The following SGPP2 variants were observed in gnomAD, a reference collection of about 807,000 sequenced individuals.
SGPP2 encodes the protein sphingosine-1-phosphate phosphatase 2.
A neutral mutation model predicts 33.9 loss-of-function variants in SGPP2; 30 were observed. That is an observed-to-expected ratio of 0.89 (90% CI 0.66 to 1.20). The LOEUF (loss-of-function observed/expected upper bound fraction) is 1.20. Ranked by LOEUF, SGPP2 falls within the 50% of genes most tolerant of loss-of-function variation. The pLI, the probability that SGPP2 is intolerant of heterozygous loss-of-function variation, is 0.00. For missense variants in SGPP2, 458 were observed against 532.1 expected (o/e 0.86, Z 1.37); for synonymous variants, 233 against 225.0 (o/e 1.04, Z -0.32).
intron 1 of SGPP2, among the ~76,000 whole-genome samples, chr2:222,450,934 T>C (rs1399221412): frequency 6.6e-6 from 1 of 151,998 alleles, no homozygotes; most frequent in Non-Finnish European, 1.5e-5. Flanking sequence ...TTTCTGCATC[T>C]TTTTTTTAAC....
Position 222,521,951 on chromosome 2 carries a change from G to C in SGPP2, c.558+5G>C. 2.0e-6 allele frequency: 3 copies of C among 1,504,918 alleles called. No individual in the cohort carries two copies. The highest frequency in any genetic ancestry group is 2.7e-6 in the Non-Finnish European group (3 of 1,127,470). 93.2% of individuals were successfully genotyped at this position (1,504,918 alleles called of 1,614,324 possible). A position where few individuals can be genotyped will look rare whatever the true frequency, so the allele number is the denominator to read the frequency against. ...TCTACTATGGACAGATACCAGGTAA[G>C]GTGGCCTGGTTCTTCTTCCTACCCA... On this transcript the variant is annotated splice_donor_5th_base_variant and intron_variant, in intron 3 of 4. Transcript: ENST00000321276.
At chr2:222,496,599 A>C (rs548961526) in intron 2 of SGPP2, among the ~76,000 whole-genome samples, 1 of 152,274 alleles carries the variant, frequency 6.6e-6, no homozygotes, top group East Asian at 1.9e-4. Context: ...ATTACCTACA[A>C]GGTCTCTCAC....
intron 2 of SGPP2, among the ~76,000 whole-genome samples, chr2:222,483,867 G>A (rs886799110): frequency 3.9e-5 from 6 of 152,178 alleles, no homozygotes; most frequent in African/African-American, 1.4e-4. Context: ...TGCTTGTTAA[G>A]TTGGTTCTTG....
At chr2:222,440,636 T>C (rs754174430) in intron 1 of SGPP2, among the ~76,000 whole-genome samples, 3 of 152,114 alleles carry the variant, frequency 2.0e-5, no homozygotes, top group Non-Finnish European at 4.4e-5. Context: ...CCACCACGCC[T>C]GGCTGTTTTT....
chr2:222,436,940 G>A (rs1697251161), intron 1 of SGPP2, among the ~76,000 whole-genome samples: 1 of 152,200 alleles, frequency 6.6e-6, no homozygotes, highest in African/African-American at 2.4e-5. Flanking sequence ...GGAAGTCCGT[G>A]TTCCTGGGCC....
In SGPP2 at chr2:222,477,589, A is replaced by G. The variant is rs573253026; in HGVS notation, c.378+2863A>G. Among the ~76,000 whole-genome samples the G allele has an allele frequency of 6.6e-6, 1 of 151,742 alleles. No individual in the cohort carries two copies. The highest frequency in any genetic ancestry group is 2.4e-5 in the African/African-American group (1 of 41,290). On this transcript the variant is annotated intron_variant, in intron 2 of 4. Transcript: ENST00000321276. The surrounding 1 kb of genome is among the most constrained non-coding windows in gnomAD (Gnocchi z 6.0). ...TGAGTGTATGTATATAGGTGTGTGT[A>G]TATATATGTGTGTGTGTGTGTTCTA... is the stretch of plus-strand genomic sequence containing the variant.
rs1333768700 is a variant in SGPP2 at position 222,477,281 on chromosome 2, GTA to G, written c.378+2557_378+2558del. Among the ~76,000 whole-genome samples, 2 of 151,082 alleles carry G rather than the reference GTA, an allele frequency of 1.3e-5. No individual in the cohort carries two copies. The highest frequency in any genetic ancestry group is 4.9e-5 in the African/African-American group (2 of 41,000). ...AGTATATAGGTGTATATGTATGTGT[GTA>G]TGGGTGTGTATATGTGTGTATATAG... On this transcript the variant is annotated intron_variant, in intron 2 of 4. Transcript: ENST00000321276. This position sits in a 1 kb window ranked among gnomAD's most constrained non-coding sequence, Gnocchi z 6.0.
chr2:222,531,861 G>T (rs1248470410), intron 4 of SGPP2, among the ~76,000 whole-genome samples: 1 of 152,152 alleles, frequency 6.6e-6, no homozygotes, highest in Admixed American at 6.5e-5. Context: ...TGGGTTGGAA[G>T]GTGGAGACAG....
In SGPP2 at chr2:222,521,861, C is replaced by G. The variant is rs981642055; in HGVS notation, c.473C>G (p.Ala158Gly). ...GTAAAACTGGAAAAGAGACTGATCG[C>G]TGAATATGGAATGCCATCCACCCAC... is the stretch of plus-strand genomic sequence containing the variant. ...PVVKLEKRLIAEYGMPSTHAM... is the reference protein window; with the variant it reads ...PVVKLEKRLIGEYGMPSTHAM... The change falls in exon 3 of 5, where the codon GCT (alanine) becomes GGT (glycine). Residue 158 changes from alanine to glycine, a missense_variant. Coordinates refer to ENST00000321276, the MANE Select transcript of SGPP2 (RefSeq NM_152386.4). 3 of 1,611,224 alleles carry G rather than the reference C, an allele frequency of 1.9e-6. No homozygotes were observed. The highest frequency in any genetic ancestry group is 2.2e-5 in the South Asian group (2 of 90,258).
intron 2 of SGPP2, among the ~76,000 whole-genome samples, chr2:222,501,644 C>A (rs1240780929): frequency 1.3e-5 from 2 of 152,156 alleles, no homozygotes; most frequent in African/African-American, 2.4e-5. Flanking sequence ...ACAGACACTG[C>A]CATAGAAGGA....
chr2:222,424,635 C>G lies in SGPP2; in HGVS notation c.33C>G (p.Ser11=). The change falls in exon 1 of 5, where the codon TCC becomes TCG. Residue 11 remains serine, a synonymous_variant. Coordinates refer to ENST00000321276, the MANE Select transcript of SGPP2 (RefSeq NM_152386.4). MAELLRSLQD[S]QLVARFQRRC... ...AGCTGCTGCGGAGCCTGCAGGATTC[C>G]CAGCTCGTCGCCCGCTTCCAGCGCC... 1.2e-5 allele frequency: 17 copies of G among 1,422,180 alleles called. No homozygotes were observed. The highest frequency in any genetic ancestry group is 3.1e-5 in the East Asian group (1 of 32,346). 88.1% of individuals were successfully genotyped at this position (1,422,180 alleles called of 1,614,324 possible).
intron 2 of SGPP2, among the ~76,000 whole-genome samples, chr2:222,513,865 AT>A (rs1235700442): frequency 4.6e-5 from 7 of 152,154 alleles, no homozygotes; most frequent in Non-Finnish European, 1.0e-4. Context: ...AGACCCCTTG[AT>A]TTCAGACTTG....
intron 4 of SGPP2, among the ~76,000 whole-genome samples, chr2:222,525,748 G>T (rs1318453927): frequency 6.6e-6 from 1 of 152,148 alleles, no homozygotes; most frequent in Non-Finnish European, 1.5e-5. Context: ...TCTTTAAAAA[G>T]AAATGGGCCC....
At chr2:222,490,723 G>T (rs1007379160) in intron 2 of SGPP2, among the ~76,000 whole-genome samples, 2 of 151,892 alleles carry the variant, frequency 1.3e-5, no homozygotes, top group African/African-American at 4.8e-5. Flanking sequence ...GGGATTACAG[G>T]CATGAGCCAC....
At chr2:222,521,391 A>C (rs1230755229) in intron 2 of SGPP2, among the ~76,000 whole-genome samples, 3 of 152,176 alleles carry the variant, frequency 2.0e-5, no homozygotes, top group Non-Finnish European at 2.9e-5. Context: ...CCTGTGGATG[A>C]GTGTGCAATG....
intron 1 of SGPP2, among the ~76,000 whole-genome samples, chr2:222,466,719 G>T (rs1249714545): frequency 6.6e-6 from 1 of 152,120 alleles, no homozygotes; most frequent in Non-Finnish European, 1.5e-5. Flanking sequence ...GTTAGGAAAG[G>T]CTTTCAAACT....
At chr2:222,502,613 C>T (rs1007275803) in intron 2 of SGPP2, among the ~76,000 whole-genome samples, 160 of 152,324 alleles carry the variant, frequency 1.1e-3, no homozygotes, top group African/African-American at 3.6e-3. Context: ...ACCTATATTT[C>T]TTTATAATAT....
intron 1 of SGPP2, among the ~76,000 whole-genome samples, chr2:222,437,571 A>G (rs4294997): frequency 0.76 from 116,038 of 152,068 alleles, 44,447 homozygotes; most frequent in Middle Eastern, 0.88. Context: ...GACCATGGGC[A>G]TTTGAGCCAT....
At chr2:222,485,437 A>G (rs180856070) in intron 2 of SGPP2, among the ~76,000 whole-genome samples, 9 of 152,250 alleles carry the variant, frequency 5.9e-5, no homozygotes, top group Non-Finnish European at 1.2e-4. Context: ...CATCACAGGG[A>G]CCTAGCAGGG....
Sources: allele counts gnomAD v4.1 joint callset (sites outside exome capture counted in the v4.1 genomes callset), GRCh38; gene constraint gnomAD v4.1.1; non-coding constraint Gnocchi (gnomAD v3.1); transcripts MANE v1.5; gene names NCBI Gene and HGNC (gene_info 2026-07-23, HGNC 2026-07-21).